The following TEDC1 variants were observed in gnomAD, a reference collection of about 807,000 sequenced individuals.
The protein encoded by TEDC1 is tubulin epsilon and delta complex protein 1.
A neutral mutation model predicts 59.9 loss-of-function variants in TEDC1; 54 were observed. That is an observed-to-expected ratio of 0.90 (90% CI 0.72 to 1.13). TEDC1 has a LOEUF of 1.13. Ranked by LOEUF, TEDC1 falls within the 50% of genes most tolerant of loss-of-function variation. TEDC1 has a pLI of 0.00. For missense variants in TEDC1, 734 were observed against 683.4 expected, an observed-to-expected ratio of 1.07 and a Z score of -0.83; for synonymous variants, 353 against 298.1, an observed-to-expected ratio of 1.18 and a Z score of -1.90.
In TEDC1 at chr14:105,491,290, C is replaced by G. The variant is rs1323808803; in HGVS notation, c.-86C>G. On this transcript the variant is annotated 5_prime_UTR_variant, in exon 1 of 9. Coordinates refer to ENST00000392523, the MANE Select transcript of TEDC1 (RefSeq NM_001367178.1). Reference sequence around the variant, plus strand: ...AACTGGGCGCAGGTCCCAGCCGCCGCACTAAACCCGGCCCGTGCGGTGATT... The same window carrying G: ...AACTGGGCGCAGGTCCCAGCCGCCGGACTAAACCCGGCCCGTGCGGTGATT... The G allele has an allele frequency of 2.0e-6, 3 of 1,510,538 alleles. No individual in the cohort carries two copies. Among genetic ancestry groups the G allele is most frequent in the Non-Finnish European group, 2.6e-6 (3 of 1,132,564 alleles). 93.6% of individuals were successfully genotyped at this position (1,510,538 alleles called of 1,614,324 possible).
At chr14:105,497,492 C>T (rs782562954) in intron 7 of TEDC1, 49 bp downstream of exon 7, 1 of 1,524,572 alleles carries the variant, frequency 6.6e-7, no homozygotes, top group South Asian at 1.2e-5. Flanking sequence ...CCACAGCAGC[C>T]CCCAGGTGGG....
intron 4 of TEDC1, among the ~76,000 whole-genome samples, 179 bp downstream of exon 4, chr14:105,492,913 A>G (rs2084249715): frequency 6.6e-6 from 1 of 151,974 alleles, no homozygotes; most frequent in African/African-American, 2.4e-5. Context: ...TGTAGGGGGC[A>G]GGGCTGGGCA....
chr14:105,498,166 C>T (rs1027267119), intron 8 of TEDC1, among the ~76,000 whole-genome samples, 189 bp downstream of exon 8: 31 of 152,332 alleles, frequency 2.0e-4, no homozygotes, highest in Admixed American at 1.3e-3. Flanking sequence ...TGCGAGACAG[C>T]CCCCGCCCCT....
chr14:105,491,002 G>T, upstream of TEDC1: 1 of 1,544,832 alleles, frequency 6.5e-7, no homozygotes, highest in Non-Finnish European at 8.8e-7. Flanking sequence ...GCCCGGAAGT[G>T]GGTCCGCACG....
intron 6 of TEDC1, chr14:105,496,291 G>A (rs1316598769): frequency 2.5e-5 from 15 of 594,836 alleles, no homozygotes; most frequent in East Asian, 2.3e-4. Flanking sequence ...TTCTTGTGGC[G>A]TGCTGGGGTG....
At chr14:105,491,160 G>T, upstream of TEDC1, 1 of 1,550,638 alleles carries the variant, frequency 6.4e-7, no homozygotes, top group South Asian at 1.2e-5. Flanking sequence ...ATTGGGTACA[G>T]GTCTCGGCCA....
rs1555440623 is a variant in TEDC1 at position 105,497,372 on chromosome 14, G to C, written c.907G>C (p.Glu303Gln). The change falls in exon 7 of 9, where the codon GAG (glutamate) becomes CAG (glutamine). Residue 303 changes from glutamate (E) to glutamine (Q), a missense_variant. Physicochemically the swap from Glu to Gln is conservative, Grantham distance 29. Transcript: ENST00000392523. ...TGCCTTCCAGCTGCTGCGGACTCTG[G>C]AGCGTGAGAACCAGCGCCTGGAGGC... ...SPFRALLRTL[E>Q]RENQRLEAVL... 6.4e-7 allele frequency: 1 copy of C among 1,551,396 alleles called. No homozygotes were observed.
In TEDC1 at chr14:105,498,788, C is replaced by A. The variant is rs200624465; in HGVS notation, c.1330C>A (p.Arg444=). Residue 444 remains arginine, a synonymous_variant, in exon 9 of 9, where the codon CGG becomes AGG. Transcript: ENST00000392523. The part of the protein sequence containing the change: ...VRREDGAAGD[R]DLRAAVVIRT... ...ACGAGAGGATGGGGCAGCAGGGGAC[C>A]GGGACCTGCGGGCAGCTGTGGTGAT... 13 of 1,580,160 alleles carry A rather than the reference C, an allele frequency of 8.2e-6. No homozygotes were observed. The South Asian group carries it at 1.5e-4, about 18-fold the overall frequency.
chr14:105,496,192 C>A, intron 6 of TEDC1, 106 bp downstream of exon 6: 1 of 1,088,256 alleles, frequency 9.2e-7, no homozygotes, highest in Admixed American at 2.5e-5. Flanking sequence ...CCTGCTCCCA[C>A]CCCTGGCCCT....
At position 105,497,897 on chromosome 14, in the gene TEDC1, C is replaced by T; in HGVS notation, c.1078C>T (p.Leu360=). 2 of 1,556,176 alleles carry T rather than the reference C, an allele frequency of 1.3e-6. No individual in the cohort carries two copies. The highest frequency in any genetic ancestry group is 1.7e-6 in the Non-Finnish European group (2 of 1,150,082). ...CGAGCGCGGGGGTGGCGAGTTGGAC[C>T]TGGTAGTGCGGGAGCTGCAGGCACT... ...VPERGGGELD[L]VVRELQALEE... Residue 360 remains leucine, a synonymous_variant, in exon 8 of 9, where the codon CTG becomes TTG. Transcript: ENST00000392523.
At chr14:105,491,787 C>G (rs1221382060) in intron 2 of TEDC1, 87 bp downstream of exon 2, 13 of 1,424,004 alleles carry the variant, frequency 9.1e-6, no homozygotes. Context: ...AAGCCCCGCC[C>G]CGGCAGGCTC....
chr14:105,490,966 TCTC>T, upstream of TEDC1: 1 of 1,435,914 alleles, frequency 7.0e-7, no homozygotes, highest in Non-Finnish European at 9.5e-7. Flanking sequence ...TCTGCGGTGT[TCTC>T]CATATCAACA....
At chr14:105,497,298 G>C (rs1158141825) in intron 6 of TEDC1, 59 bp from the exon 7 acceptor site, 14 of 1,497,228 alleles carry the variant, frequency 9.4e-6, no homozygotes, top group Admixed American at 3.9e-5. Context: ...CTGTCCATCC[G>C]ACTGTCTGTC....
At position 105,498,805 on chromosome 14, in the gene TEDC1, TGTG is replaced by T; in HGVS notation, c.1351_1353del (p.Val451del). 1 of 1,596,038 alleles carries T rather than the reference TGTG, an allele frequency of 6.3e-7. No individual in the cohort carries two copies. Among genetic ancestry groups the T allele is most frequent in the Non-Finnish European group, 8.5e-7 (1 of 1,172,788 alleles). On this transcript the variant is annotated inframe_deletion, in exon 9 of 9. Coordinates refer to ENST00000392523, the MANE Select transcript of TEDC1 (RefSeq NM_001367178.1). ...CAGGGGACCGGGACCTGCGGGCAGC[TGTG>T]GTGATCAGGACGCTGAGGAGCCAGG...
chr14:105,493,688 C>G (rs1468409036), intron 4 of TEDC1, 147 bp from the exon 5 acceptor site: 5 of 638,976 alleles, frequency 7.8e-6, no homozygotes, highest in Non-Finnish European at 1.4e-5. Context: ...CCCCGCCAAC[C>G]TCAGGCAAGG....
At chr14:105,493,145 C>T (rs1476066437) in intron 4 of TEDC1, among the ~76,000 whole-genome samples, 2 of 152,036 alleles carry the variant, frequency 1.3e-5, no homozygotes, top group African/African-American at 4.8e-5. Context: ...GGGTGGACAG[C>T]TCCTGTGGGG....
chr14:105,492,441 C>A, intron 3 of TEDC1, 132 bp downstream of exon 3: 3 of 1,483,452 alleles, frequency 2.0e-6, no homozygotes, highest in South Asian at 1.3e-5. Flanking sequence ...TACCCAGCTG[C>A]CCAGCTGAAA....
chr14:105,490,803 G>A, upstream of TEDC1: 1 of 591,304 alleles, frequency 1.7e-6, no homozygotes, highest in Non-Finnish European at 3.0e-6. Context: ...CGTCCGCTCC[G>A]ACTGCGTAAG....
intron 2 of TEDC1, 25 bp from the exon 3 acceptor site, chr14:105,492,082 C>G (rs782018230): frequency 6.4e-7 from 1 of 1,566,778 alleles, no homozygotes; most frequent in Non-Finnish European, 8.6e-7. Context: ...GGTGGTCCCC[C>G]TAAGGTGGTG....
Sources: gnomAD v4.1 joint callset for allele counts (sites outside exome capture counted in the v4.1 genomes callset) on GRCh38, gnomAD v4.1.1 for gene constraint, MANE v1.5 for transcripts, NCBI Gene and HGNC (gene_info 2026-07-23, HGNC 2026-07-21) for gene names.